MGAT1: variants seen among roughly 807,000 people sequenced by gnomAD.
MGAT1 encodes the protein N-glycosyl-oligosaccharide-glycoprotein N-acetylglucosaminyltransferase I.
Under a neutral mutation model 31.7 loss-of-function variants are expected in MGAT1, and 14 were observed. The ratio of observed to expected loss-of-function variants is 0.44; its 90% CI spans 0.29 to 0.69. The LOEUF is 0.69. Among genes scored for constraint, MGAT1 ranks in the 30% least tolerant of loss-of-function variants. The pLI is 0.12. For missense variants in MGAT1, 557 were observed against 626.0 expected (o/e 0.89, Z 1.18); for synonymous variants, 338 against 276.0 (o/e 1.22, Z -2.23).
rs1768044264 is a variant in MGAT1 at position 180,791,335 on chromosome 5, G to C, written c.*299C>G. On this transcript the variant is annotated 3_prime_UTR_variant, in exon 2 of 2. Coordinates refer to ENST00000307826, the MANE Select transcript of MGAT1 (RefSeq NM_002406.4). Reference sequence around the variant, plus strand: ...TGCCAAACTCTCTGCACATGCTCCAGGAGAAAGCTCAGGACGTGGACATTT... The same window carrying C: ...TGCCAAACTCTCTGCACATGCTCCACGAGAAAGCTCAGGACGTGGACATTT... The C allele has an allele frequency of 4.2e-6, 2 of 480,612 alleles. No homozygotes were observed. Among genetic ancestry groups the C allele is most frequent in the Middle Eastern group, 5.3e-4 (1 of 1,872 alleles). The allele number at this position is 480,612 out of a possible 1,614,324, so 29.8% of individuals were successfully genotyped here. A position where few individuals can be genotyped will look rare whatever the true frequency, so the allele number is the denominator to read the frequency against.
intron 1 of MGAT1, among the ~76,000 whole-genome samples, chr5:180,811,651 T>TCTCCCTGCCCTCCCTGCC (rs3029526): frequency 2.0e-5 from 3 of 151,652 alleles, no homozygotes; most frequent in Middle Eastern, 3.4e-3. Context: ...AACACCTAGG[T>TCTCCCTGCCCTCCCTGCC]CTCCCTGCCC....
At chr5:180,794,818 C>T (rs1768998634) in intron 1 of MGAT1, among the ~76,000 whole-genome samples, 1 of 150,402 alleles carries the variant, frequency 6.6e-6, no homozygotes, top group South Asian at 2.1e-4. Context: ...CAAGCCCAGT[C>T]TCTCCTGCAT....
At chr5:180,798,065 C>G (rs1581848385) in intron 1 of MGAT1, among the ~76,000 whole-genome samples, 1 of 152,324 alleles carries the variant, frequency 6.6e-6, no homozygotes, top group East Asian at 1.9e-4. Context: ...AGGCCACCAT[C>G]AGGAGAGTGC....
upstream of MGAT1, among the ~76,000 whole-genome samples, chr5:180,805,629 A>C (rs949866629): frequency 1.3e-5 from 2 of 152,128 alleles, no homozygotes; most frequent in African/African-American, 2.4e-5. Flanking sequence ...ATGCACCTGT[A>C]GTCCCAGCTA....
At chr5:180,796,020 C>T (rs1242702698) in intron 1 of MGAT1, 1 of 117,838 alleles carries the variant, frequency 8.5e-6, no homozygotes, top group East Asian at 3.3e-4. Flanking sequence ...AACTCCTTGA[C>T]TGTCCTGCCT....
At chr5:180,804,807 C>G (rs1021285762), upstream of MGAT1, among the ~76,000 whole-genome samples, 1 of 152,192 alleles carries the variant, frequency 6.6e-6, no homozygotes, top group Non-Finnish European at 1.5e-5. Context: ...CCACCACTGA[C>G]CCTGATACTT....
rs573517289 is a variant in MGAT1, at chr5:180,798,833, C to A, written c.-127+3847G>T. On this transcript the variant is annotated intron_variant, in intron 1 of 1. Transcript: ENST00000307826. The stretch of plus-strand genomic sequence containing the variant: ...GATCTTCCACTACAGAGTAAATTCA[C>A]CAGATCATCTTTTCAAAATCCAAAA... 2.4e-4 allele frequency among the ~76,000 whole-genome samples: 36 copies of A among 150,566 alleles called. 1 individual carries two copies. In the East Asian group the frequency reaches 6.0e-3, roughly 25 times the overall value.
At chr5:180,810,440 G>GAGGGGC (rs1772439279) in intron 1 of MGAT1, 1 of 152,770 alleles carries the variant, frequency 6.5e-6, no homozygotes, top group Admixed American at 6.5e-5. Context: ...ACAGGAGGGG[G>GAGGGGC]AGGGGCAGAA....
chr5:180,813,599 T>C (rs1001960744), intron 1 of MGAT1, among the ~76,000 whole-genome samples: 5 of 152,192 alleles, frequency 3.3e-5, no homozygotes, highest in Admixed American at 6.5e-5. Context: ...ATTTTTGTTA[T>C]CAGTTACTCC....
intron 1 of MGAT1, among the ~76,000 whole-genome samples, chr5:180,794,841 T>A (rs1468862301): frequency 6.6e-6 from 1 of 152,194 alleles, no homozygotes; most frequent in African/African-American, 2.4e-5. Flanking sequence ...CCCATTTCTT[T>A]CTACTTTCAG....
At position 180,793,023 on chromosome 5, in the gene MGAT1, G is replaced by A. The variant is rs1322442708; in HGVS notation, c.-52C>T. 1 of 1,599,846 alleles carries A rather than the reference G, an allele frequency of 6.3e-7. No homozygotes were observed. The highest frequency in any genetic ancestry group is 8.5e-7 in the Non-Finnish European group (1 of 1,174,312). On this transcript the variant is annotated 5_prime_UTR_variant, in exon 2 of 2. Transcript: ENST00000307826. ...CAGGGGACGGTTCAAGGCTGCCCTG[G>A]GCTTGCCCGGCTCCCTTGCCCGCAG...
In MGAT1 at chr5:180,787,884, AG is replaced by A. The variant is rs1767681635; in HGVS notation, c.*3749del. 1 of 152,326 alleles carries A rather than the reference AG, an allele frequency of 6.6e-6. No homozygotes were observed. The highest frequency in any genetic ancestry group is 2.4e-5 in the African/African-American group (1 of 41,450). 9.4% of individuals were successfully genotyped at this position (152,326 alleles called of 1,614,324 possible). The stretch of plus-strand genomic sequence containing the variant: ...ACAAATGAGATCCCACCAGTGACCC[AG>A]GTAAGAGGATTGCAAAGGCCAAGAG... On this transcript the variant is annotated 3_prime_UTR_variant, in exon 2 of 2. Transcript: ENST00000307826.
chr5:180,800,958 G>A (rs1038479877), intron 1 of MGAT1, among the ~76,000 whole-genome samples: 14 of 152,198 alleles, frequency 9.2e-5, no homozygotes, highest in Admixed American at 9.2e-4. Flanking sequence ...AACTCCTTTA[G>A]GGAGGTGACA....
chr5:180,797,573 G>A (rs1176234069), intron 1 of MGAT1, among the ~76,000 whole-genome samples: 2 of 152,078 alleles, frequency 1.3e-5, no homozygotes. Flanking sequence ...AGAATTTGGT[G>A]GCCCACACCC....
upstream of MGAT1, among the ~76,000 whole-genome samples, chr5:180,807,567 CT>C (rs1199320730): frequency 1.3e-5 from 2 of 152,216 alleles, no homozygotes; most frequent in African/African-American, 4.8e-5. Flanking sequence ...CCACCACTCA[CT>C]CCAAGAAAAG....
At chr5:180,810,662 A>G (rs2619734) in intron 1 of MGAT1, 22,543 of 148,636 alleles carry the variant, frequency 0.15, 1,966 homozygotes, top group African/African-American at 0.25. Context: ...GTTTCTCAAA[A>G]AGGGTGACCC....
At chr5:180,814,103 A>G (rs1352792084) in intron 1 of MGAT1, among the ~76,000 whole-genome samples, 3 of 152,114 alleles carry the variant, frequency 2.0e-5, no homozygotes, top group Non-Finnish European at 4.4e-5. Context: ...TTTTCACACT[A>G]TTTGTTCAGA....
chr5:180,788,561 C>G lies in MGAT1; in HGVS notation c.*3073G>C, dbSNP rs778313120. ...TCTGTGTGACCTTGGGCAACTTCACCTCTGTGTGCCTGCTTCCTCACTGGT... is the reference window on the plus strand; with the variant it reads ...TCTGTGTGACCTTGGGCAACTTCACGTCTGTGTGCCTGCTTCCTCACTGGT... On this transcript the variant is annotated 3_prime_UTR_variant, in exon 2 of 2. Transcript: ENST00000307826. The G allele has an allele frequency of 9.2e-5, 14 of 152,552 alleles. No homozygotes were observed. The highest frequency in any genetic ancestry group is 1.9e-4 in the Non-Finnish European group (13 of 68,280). 9.4% of individuals were successfully genotyped at this position (152,552 alleles called of 1,614,324 possible).
In MGAT1 at chr5:180,792,884, T is replaced by A. The variant is rs994998138; in HGVS notation, c.88A>T (p.Thr30Ser). 2 of 1,600,406 alleles carry A rather than the reference T, an allele frequency of 1.2e-6. No homozygotes were observed. Among genetic ancestry groups the A allele is most frequent in the African/African-American group, 2.7e-5 (2 of 74,648 alleles). ...GGTGGCCTGCCAGGTGCTGGGCGCGTCCAGAAGAAGAGGAGCAGCAGGGCA... is the reference window on the plus strand; with the variant it reads ...GGTGGCCTGCCAGGTGCTGGGCGCGACCAGAAGAAGAGGAGCAGCAGGGCA... ...WNALLLLFFWTRPAPGRPPSV... is the reference protein window; with the variant it reads ...WNALLLLFFWSRPAPGRPPSV... Residue 30 changes from threonine (T) to serine (S), a missense_variant, in exon 2 of 2, where the codon ACG becomes TCG. Transcript: ENST00000307826.
Sources: allele counts gnomAD v4.1 joint callset (sites outside exome capture counted in the v4.1 genomes callset), GRCh38; gene constraint gnomAD v4.1.1; transcripts MANE v1.5; gene names NCBI Gene and HGNC (gene_info 2026-07-23, HGNC 2026-07-21).